Variants in SCRT2 observed in about 807,000 individuals in gnomAD.
SCRT2 encodes transcriptional repressor scratch 2.
SCRT2 carries 2 observed loss-of-function variants against 3.7 expected under a neutral mutation model. The ratio of observed to expected loss-of-function variants is 0.54; its 90% CI spans 0.22 to 1.70. The LOEUF (loss-of-function observed/expected upper bound fraction) is 1.70. Among genes scored for constraint, SCRT2 ranks in the 40% most tolerant of loss-of-function variants. The pLI, the probability that SCRT2 is intolerant of heterozygous loss-of-function variation, is 0.19. For synonymous variants in SCRT2, 256 were observed against 220.6 expected (o/e 1.16, Z -1.42); for missense variants, 456 against 468.5 (o/e 0.97, Z 0.25).
rs1483395870 is a variant in SCRT2, at chr20:661,798, C to T, written c.*1873G>A. On this transcript the variant is annotated 3_prime_UTR_variant, in exon 2 of 2. Transcript: ENST00000246104. ...TTGCTATTTACAGGGTCAACGCCTC[C>T]ATAATTGCTTCTGCTACCCCTCTCC... is the stretch of plus-strand genomic sequence containing the variant. 1.3e-5 allele frequency: 2 copies of T among 152,760 alleles called. No homozygotes were observed. The highest frequency in any genetic ancestry group is 2.9e-5 in the Non-Finnish European group (2 of 68,088). The allele number at this position is 152,760 out of a possible 1,614,324, so 9.5% of individuals were successfully genotyped here. A position where few individuals can be genotyped will look rare whatever the true frequency, so the allele number is the denominator to read the frequency against.
At position 664,313 on chromosome 20, in the gene SCRT2, G is replaced by A. The variant is rs1171725660; in HGVS notation, c.282C>T (p.Arg94=). The change falls in exon 2 of 2, where the codon CGC becomes CGT. Residue 94 remains arginine (R), a synonymous_variant. Coordinates refer to ENST00000246104, the MANE Select transcript of SCRT2 (RefSeq NM_033129.4). The surrounding 1 kb of genome is among the most constrained non-coding windows in gnomAD (Gnocchi z 7.9). ...TCACTGCCGCCTCCCCTCGGAAGTA[G>A]CGCGCCGACAGGCTCGACTGCGGGC... ...PESPQSSLSA[R]YFRGEAAVTD... The A allele has an allele frequency of 6.6e-7, 1 of 1,506,280 alleles. No individual in the cohort carries two copies. Among genetic ancestry groups the A allele is most frequent in the Admixed American group, 1.9e-5 (1 of 52,694 alleles). 93.3% of individuals were successfully genotyped at this position (1,506,280 alleles called of 1,614,324 possible). A position where few individuals can be genotyped will look rare whatever the true frequency, so the allele number is the denominator to read the frequency against.
At position 673,059 on chromosome 20, in the gene SCRT2, A is replaced by G. The variant is rs974037890; in HGVS notation, c.133+2410T>C. ...GAAAACAAGACAAGGCAGACTTTGT[A>G]TTTCCCAGTCATACCTAGGCTTGGT... On this transcript the variant is annotated intron_variant, in intron 1 of 1. Coordinates refer to ENST00000246104, the MANE Select transcript of SCRT2 (RefSeq NM_033129.4). 1.3e-5 allele frequency among the ~76,000 whole-genome samples: 2 copies of G among 152,074 alleles called. 1 individual carries two copies. Among genetic ancestry groups the G allele is most frequent in the South Asian group, 4.1e-4 (2 of 4,824 alleles).
In SCRT2 at chr20:663,845, G is replaced by A. The variant is rs781374957; in HGVS notation, c.750C>T (p.Ala250=). Residue 250 remains alanine (A), a synonymous_variant, in exon 2 of 2, where the codon GCC becomes GCT. Coordinates refer to ENST00000246104, the MANE Select transcript of SCRT2 (RefSeq NM_033129.4). This position sits in a 1 kb window ranked among gnomAD's most constrained non-coding sequence, Gnocchi z 6.9. ...TGTGCGCGCGCAGGTTGGAGCGGTC[G>A]GCGAAGGCCTTGCCGCAGTGCGCGC... The part of the protein sequence containing the change: ...FGCAHCGKAF[A]DRSNLRAHMQ... The A allele has an allele frequency of 4.4e-6, 7 of 1,597,716 alleles. No individual in the cohort carries two copies. Among genetic ancestry groups the A allele is most frequent in the Admixed American group, 3.5e-5 (2 of 57,614 alleles).
rs1328550615 is a variant in SCRT2 at position 665,225 on chromosome 20, C to G, written c.134-764G>C. The stretch of plus-strand genomic sequence containing the variant: ...GGAGATAGTTTCCTCCCCCACCACA[C>G]TGTGAGCTCCCCATGGTTGGATCTG... On this transcript the variant is annotated intron_variant, in intron 1 of 1. Coordinates refer to ENST00000246104, the MANE Select transcript of SCRT2 (RefSeq NM_033129.4). This position sits in a 1 kb window ranked among gnomAD's most constrained non-coding sequence, Gnocchi z 5.0. Among the ~76,000 whole-genome samples the G allele has an allele frequency of 6.6e-6, 1 of 152,244 alleles. No homozygotes were observed. The highest frequency in any genetic ancestry group is 2.4e-5 in the African/African-American group (1 of 41,454).
chr20:672,897 T>C (rs1984390829), intron 1 of SCRT2, among the ~76,000 whole-genome samples: 1 of 151,966 alleles, frequency 6.6e-6, no homozygotes, highest in African/African-American at 2.4e-5. Context: ...GCAAGGTTAT[T>C]TCCGGCAGAG....
At chr20:674,624 C>G (rs1984461527) in intron 1 of SCRT2, among the ~76,000 whole-genome samples, 1 of 152,118 alleles carries the variant, frequency 6.6e-6, no homozygotes, top group Admixed American at 6.5e-5. Flanking sequence ...CCTTCTGCAC[C>G]TGAATGACTT....
At position 675,731 on chromosome 20, in the gene SCRT2, C is replaced by A; in HGVS notation, c.-130G>T. 6.2e-6 allele frequency: 3 copies of A among 482,404 alleles called. No homozygotes were observed. The highest frequency in any genetic ancestry group is 2.9e-6 in the Non-Finnish European group (1 of 339,260). 29.9% of individuals were successfully genotyped at this position (482,404 alleles called of 1,614,324 possible). A position where few individuals can be genotyped will look rare whatever the true frequency, so the allele number is the denominator to read the frequency against. Reference sequence around the variant, plus strand: ...GCGGGAGGCCGCTCGGAGCCGGCACCGGTGGCGGCGGCCCCGGCTCGGGCT... The same window carrying A: ...GCGGGAGGCCGCTCGGAGCCGGCACAGGTGGCGGCGGCCCCGGCTCGGGCT... On this transcript the variant is annotated 5_prime_UTR_variant, in exon 1 of 2. Coordinates refer to ENST00000246104, the MANE Select transcript of SCRT2 (RefSeq NM_033129.4). This position sits in a 1 kb window ranked among gnomAD's most constrained non-coding sequence, Gnocchi z 6.9.
intron 1 of SCRT2, among the ~76,000 whole-genome samples, chr20:668,364 C>A (rs906903258): frequency 2.6e-5 from 4 of 152,142 alleles, no homozygotes; most frequent in Non-Finnish European, 5.9e-5. Flanking sequence ...AGACAGGTAC[C>A]TTCCTCTGCC....
In SCRT2 at chr20:667,443, G is replaced by T. The variant is rs1051601134; in HGVS notation, c.134-2982C>A. ...CTGTGCTGCAGCTTTCTTGGCATCTGCCCCAACACATCGTGCTGCTCCTCT... is the reference window on the plus strand; with the variant it reads ...CTGTGCTGCAGCTTTCTTGGCATCTTCCCCAACACATCGTGCTGCTCCTCT... On this transcript the variant is annotated intron_variant, in intron 1 of 1. Coordinates refer to ENST00000246104, the MANE Select transcript of SCRT2 (RefSeq NM_033129.4). The surrounding 1 kb of genome is among the most constrained non-coding windows in gnomAD (Gnocchi z 4.4). 1.3e-5 allele frequency among the ~76,000 whole-genome samples: 2 copies of T among 152,184 alleles called. No homozygotes were observed. Among genetic ancestry groups the T allele is most frequent in the African/African-American group, 4.8e-5 (2 of 41,448 alleles).
rs890372448 is a variant in SCRT2 at position 667,116 on chromosome 20, G to T, written c.134-2655C>A. On this transcript the variant is annotated intron_variant, in intron 1 of 1. Coordinates refer to ENST00000246104, the MANE Select transcript of SCRT2 (RefSeq NM_033129.4). This position sits in a 1 kb window ranked among gnomAD's most constrained non-coding sequence, Gnocchi z 4.4. ...TGTGTGACTCTACCGTTTCAGTAAG[G>T]GGTCTGCCAGTAAACAGTATATAAA... Among the ~76,000 whole-genome samples, 4 of 152,142 alleles carry T rather than the reference G, an allele frequency of 2.6e-5. No homozygotes were observed. The highest frequency in any genetic ancestry group is 6.5e-5 in the Admixed American group (1 of 15,284).
Position 665,209 on chromosome 20 carries a change from T to C in SCRT2, c.134-748A>G, listed in dbSNP as rs6053798. On this transcript the variant is annotated intron_variant, in intron 1 of 1. Transcript: ENST00000246104. The surrounding 1 kb of genome is among the most constrained non-coding windows in gnomAD (Gnocchi z 5.0). Reference sequence around the variant, plus strand: ...TGCTTTTTACTTGCTTGGAGATAGTTTCCTCCCCCACCACACTGTGAGCTC... The same window carrying C: ...TGCTTTTTACTTGCTTGGAGATAGTCTCCTCCCCCACCACACTGTGAGCTC... 0.8 allele frequency among the ~76,000 whole-genome samples: 121,650 copies of C among 152,168 alleles called. 49,001 individuals are homozygous for C. The highest frequency in any genetic ancestry group is 0.9 in the African/African-American group (37,182 of 41,520).
rs953467703 is a variant in SCRT2, at chr20:661,941, C to G, written c.*1730G>C. ...TGCAGGGGTGCCTCCAGTCTCCCCCCTCTTTTGTGGCTAAGAGGAGGGGAG... is the reference window on the plus strand; with the variant it reads ...TGCAGGGGTGCCTCCAGTCTCCCCCGTCTTTTGTGGCTAAGAGGAGGGGAG... On this transcript the variant is annotated 3_prime_UTR_variant, in exon 2 of 2. Coordinates refer to ENST00000246104, the MANE Select transcript of SCRT2 (RefSeq NM_033129.4). 2.6e-5 allele frequency: 4 copies of G among 152,696 alleles called. No individual in the cohort carries two copies. The highest frequency in any genetic ancestry group is 9.6e-5 in the African/African-American group (4 of 41,456). 9.5% of individuals were successfully genotyped at this position (152,696 alleles called of 1,614,324 possible). A position where few individuals can be genotyped will look rare whatever the true frequency, so the allele number is the denominator to read the frequency against.
chr20:664,557 C>T lies in SCRT2; in HGVS notation c.134-96G>A, dbSNP rs1984095980. On this transcript the variant is annotated intron_variant, in intron 1 of 1. Coordinates refer to ENST00000246104, the MANE Select transcript of SCRT2 (RefSeq NM_033129.4). The surrounding 1 kb of genome is among the most constrained non-coding windows in gnomAD (Gnocchi z 7.9). ...ACCCTTTGCGCCTTCCAGCTTGGCG[C>T]CCCTGTGGCAGCTCCGACAGTGGTG... 1.1e-6 allele frequency: 1 copy of T among 912,830 alleles called. No individual in the cohort carries two copies. The highest frequency in any genetic ancestry group is 1.4e-6 in the Non-Finnish European group (1 of 695,568). The allele number at this position is 912,830 out of a possible 1,614,324, so 56.5% of individuals were successfully genotyped here.
At position 664,145 on chromosome 20, in the gene SCRT2, G is replaced by C; in HGVS notation, c.450C>G (p.Gly150=). The change falls in exon 2 of 2, where the codon GGC becomes GGG. Residue 150 remains glycine, a synonymous_variant. Transcript: ENST00000246104. This position sits in a 1 kb window ranked among gnomAD's most constrained non-coding sequence, Gnocchi z 7.9. ...CGGCGCACGCGTGCCGGTGCCCGCC[G>C]CCCGCCTGCGCCCCCGCGCGCCCCG... ...GRAGRAGAQA[G]GGHRHACAEC... The C allele has an allele frequency of 7.6e-7, 1 of 1,314,970 alleles. No individual in the cohort carries two copies. Among genetic ancestry groups the C allele is most frequent in the Non-Finnish European group, 9.7e-7 (1 of 1,027,356 alleles). The allele number at this position is 1,314,970 out of a possible 1,614,324, so 81.5% of individuals were successfully genotyped here.
Position 663,995 on chromosome 20 carries a change from C to T in SCRT2, c.600G>A (p.Ala200=), listed in dbSNP as rs778730716. 6.8e-6 allele frequency: 11 copies of T among 1,611,362 alleles called. No homozygotes were observed. Among genetic ancestry groups the T allele is most frequent in the South Asian group, 1.1e-5 (1 of 91,026 alleles). Residue 200 remains alanine (A), a synonymous_variant, in exon 2 of 2, where the codon GCG becomes GCA. Coordinates refer to ENST00000246104, the MANE Select transcript of SCRT2 (RefSeq NM_033129.4). The surrounding 1 kb of genome is among the most constrained non-coding windows in gnomAD (Gnocchi z 6.9). ...TCGKAYVSMP[A]LAMHLLTHNL... ...TGTGCGTGAGCAGGTGCATGGCGAG[C>T]GCGGGCATGGACACGTAGGCCTTGC...
Position 666,583 on chromosome 20 carries a change from A to G in SCRT2, c.134-2122T>C, listed in dbSNP as rs1440391508. ...ACAGTGTGGTGATGGCACTTGCTCC[A>G]GGGGTGGAGCAAGGATTGGAATCCA... On this transcript the variant is annotated intron_variant, in intron 1 of 1. Transcript: ENST00000246104. The surrounding 1 kb of genome is among the most constrained non-coding windows in gnomAD (Gnocchi z 4.4). Among the ~76,000 whole-genome samples the G allele has an allele frequency of 6.6e-6, 1 of 152,212 alleles. No homozygotes were observed. Among genetic ancestry groups the G allele is most frequent in the East Asian group, 1.9e-4 (1 of 5,194 alleles).
rs1035667619 is a variant in SCRT2, at chr20:662,430, C to G, written c.*1241G>C. ...AGTTGAGGGTCAGCAAGCTGCCCCC[C>G]CATTCTCGAGTCCCCTTCCTTAGCG... On this transcript the variant is annotated 3_prime_UTR_variant, in exon 2 of 2. Transcript: ENST00000246104. The G allele has an allele frequency of 3.3e-5, 5 of 152,474 alleles. No individual in the cohort carries two copies. Among genetic ancestry groups the G allele is most frequent in the African/African-American group, 1.2e-4 (5 of 41,444 alleles). The allele number at this position is 152,474 out of a possible 1,614,324, so 9.4% of individuals were successfully genotyped here.
rs532869815 is a variant in SCRT2 at position 674,576 on chromosome 20, A to C, written c.133+893T>G. Among the ~76,000 whole-genome samples, 232 of 152,256 alleles carry C rather than the reference A, an allele frequency of 1.5e-3. 2 individuals are homozygous for C. Among genetic ancestry groups the C allele is most frequent in the African/African-American group, 5.3e-3 (221 of 41,540 alleles). The stretch of plus-strand genomic sequence containing the variant: ...CTTGGTGGAGGATGGGATCCACAGA[A>C]GCAGTCTCCACTTTCCCCTGCCTTC... On this transcript the variant is annotated intron_variant, in intron 1 of 1. Coordinates refer to ENST00000246104, the MANE Select transcript of SCRT2 (RefSeq NM_033129.4).
chr20:672,566 AC>A (rs1403696438), intron 1 of SCRT2, among the ~76,000 whole-genome samples: 1 of 150,596 alleles, frequency 6.6e-6, no homozygotes, highest in Admixed American at 6.6e-5. Context: ...GGTTTCTCTG[AC>A]CTCCACATTC....
Sources: allele counts gnomAD v4.1 joint callset (sites outside exome capture counted in the v4.1 genomes callset), GRCh38; gene constraint gnomAD v4.1.1; non-coding constraint Gnocchi (gnomAD v3.1); transcripts MANE v1.5; gene names NCBI Gene and HGNC (gene_info 2026-07-23, HGNC 2026-07-21).